Variants in RCAN1 observed in about 807,000 individuals in gnomAD.
RCAN1 encodes the protein calcipressin-1.
RCAN1 carries 11 observed loss-of-function variants against 22.9 expected under a neutral mutation model. The observed-to-expected ratio is 0.48, with a 90% CI of 0.30 to 0.79. The LOEUF (loss-of-function observed/expected upper bound fraction) is 0.79. Ranked by LOEUF, RCAN1 falls within the 30% of genes least tolerant of loss-of-function variation. The pLI is 0.06. For synonymous variants in RCAN1, 136 were observed against 142.3 expected (o/e 0.96, Z 0.32); for missense variants, 291 against 337.8 (o/e 0.86, Z 1.09).
chr21:34,556,406 A>T (rs528209374), intron 1 of RCAN1, among the ~76,000 whole-genome samples: 60 of 146,110 alleles, frequency 4.1e-4, no homozygotes, highest in African/African-American at 1.5e-3. Context: ...AGCCTGGGTG[A>T]CAGACTGAGA....
chr21:34,521,792 A>G (rs1325634559), intron 2 of RCAN1, 134 bp from the exon 3 acceptor site: 16 of 708,724 alleles, frequency 2.3e-5, no homozygotes, highest in South Asian at 1.9e-5. Context: ...TCCAGGACCA[A>G]TTGTAAGATG....
At chr21:34,576,952 C>A (rs1213308938) in intron 1 of RCAN1, among the ~76,000 whole-genome samples, 1 of 152,212 alleles carries the variant, frequency 6.6e-6, no homozygotes, top group Non-Finnish European at 1.5e-5. Flanking sequence ...ATTGTTTCTT[C>A]ATTCCAGAAC....
At chr21:34,584,837 TC>T (rs1987736023) in intron 1 of RCAN1, among the ~76,000 whole-genome samples, 4 of 152,314 alleles carry the variant, frequency 2.6e-5, no homozygotes, top group Admixed American at 2.6e-4. Context: ...CATAAGAGCA[TC>T]CTGAATCCAA....
chr21:34,604,488 A>G (rs1016335995), intron 1 of RCAN1, among the ~76,000 whole-genome samples: 1 of 152,158 alleles, frequency 6.6e-6, no homozygotes, highest in African/African-American at 2.4e-5. Flanking sequence ...TCAGTACTGT[A>G]TATGTTTCCA....
chr21:34,603,644 T>C (rs1988433110), intron 1 of RCAN1, among the ~76,000 whole-genome samples: 1 of 152,204 alleles, frequency 6.6e-6, no homozygotes, highest in Non-Finnish European at 1.5e-5. Context: ...CAGAGTCGGA[T>C]ATCCAGTTAC....
chr21:34,534,919 T>G (rs4817675), intron 1 of RCAN1, among the ~76,000 whole-genome samples: 55,513 of 152,048 alleles, frequency 0.37, 11,263 homozygotes, highest in African/African-American at 0.56. Context: ...TGGACACTGC[T>G]GAGGGCCAGG....
intron 1 of RCAN1, among the ~76,000 whole-genome samples, chr21:34,540,646 C>T (rs192111282): frequency 7.2e-5 from 11 of 152,296 alleles, no homozygotes; most frequent in African/African-American, 2.6e-4. Context: ...GTAACTGACT[C>T]TTCCTTAGAG....
intron 1 of RCAN1, among the ~76,000 whole-genome samples, chr21:34,545,807 G>A (rs1010015033): frequency 2.0e-5 from 3 of 152,190 alleles, no homozygotes; most frequent in Admixed American, 6.5e-5. Flanking sequence ...GGAGGATAGC[G>A]GTGCCACCCA....
At chr21:34,556,087 A>AATAAATCAATAT (rs1219532094) in intron 1 of RCAN1, among the ~76,000 whole-genome samples, 4 of 98,280 alleles carry the variant, frequency 4.1e-5, no homozygotes, top group Non-Finnish European at 7.9e-5. Context: ...TAAATAAATA[A>AATAAATCAATAT]ATAAATAAAT....
rs1191317093 is a variant in RCAN1 at position 34,521,053 on chromosome 21, A to G, written c.586+446T>C. The G allele has an allele frequency of 4.2e-6, 5 of 1,182,016 alleles. No individual in the cohort carries two copies. In the Admixed American group the frequency reaches 1.3e-4, roughly 31 times the overall value. 73.2% of individuals were successfully genotyped at this position (1,182,016 alleles called of 1,614,324 possible). A position where few individuals can be genotyped will look rare whatever the true frequency, so the allele number is the denominator to read the frequency against. ...TATGGTTCTCCTTCCCTTTTCCTTTAAGAAGGCCAGGTGAGAATCACAGGA... is the reference window on the plus strand; with the variant it reads ...TATGGTTCTCCTTCCCTTTTCCTTTGAGAAGGCCAGGTGAGAATCACAGGA... On this transcript the variant is annotated intron_variant, in intron 3 of 3. Coordinates refer to ENST00000313806, the MANE Select transcript of RCAN1 (RefSeq NM_004414.7).
intron 1 of RCAN1, among the ~76,000 whole-genome samples, chr21:34,596,294 G>T (rs55689536): frequency 6.6e-6 from 1 of 152,164 alleles, no homozygotes; most frequent in Non-Finnish European, 1.5e-5. Context: ...AGAAAAAGCC[G>T]AGAGTCTCTG....
At chr21:34,602,567 C>T (rs1487268072) in intron 1 of RCAN1, among the ~76,000 whole-genome samples, 1 of 151,256 alleles carries the variant, frequency 6.6e-6, no homozygotes, top group Non-Finnish European at 1.5e-5. Context: ...TTACTGATTG[C>T]GGACCAGACC....
At chr21:34,527,362 T>C (rs1193744434) in intron 1 of RCAN1, among the ~76,000 whole-genome samples, 1 of 152,098 alleles carries the variant, frequency 6.6e-6, no homozygotes, top group Non-Finnish European at 1.5e-5. Flanking sequence ...AGAGAAAACA[T>C]TTTGAAATCT....
chr21:34,590,689 G>A (rs1349926189), intron 1 of RCAN1, among the ~76,000 whole-genome samples: 2 of 152,146 alleles, frequency 1.3e-5, no homozygotes, highest in Non-Finnish European at 2.9e-5. Context: ...CCCCTGCTGG[G>A]GCCAGGGACT....
At chr21:34,565,184 G>A (rs1986959793) in intron 1 of RCAN1, among the ~76,000 whole-genome samples, 1 of 152,260 alleles carries the variant, frequency 6.6e-6, no homozygotes, top group Admixed American at 6.5e-5. Context: ...GGGCAACAGA[G>A]TGAGACCTTG....
chr21:34,614,794 A>G lies in RCAN1; in HGVS notation c.218T>C (p.Leu73Pro). 1 of 1,478,074 alleles carries G rather than the reference A, an allele frequency of 6.8e-7. No homozygotes were observed. The highest frequency in any genetic ancestry group is 9.0e-7 in the Non-Finnish European group (1 of 1,111,894). 91.6% of individuals were successfully genotyped at this position (1,478,074 alleles called of 1,614,324 possible). A position where few individuals can be genotyped will look rare whatever the true frequency, so the allele number is the denominator to read the frequency against. Residue 73 changes from leucine (L) to proline (P), a missense_variant, in exon 1 of 4, where the codon CTG becomes CCG. Coordinates refer to ENST00000313806, the MANE Select transcript of RCAN1 (RefSeq NM_004414.7). This position sits in a 1 kb window ranked among gnomAD's most constrained non-coding sequence, Gnocchi z 6.0. ...DLPSATIACHLDPRVFVDGLC... is the reference protein window; with the variant it reads ...DLPSATIACHPDPRVFVDGLC... ...GCCGTCCACGAACACGCGCGGGTCC[A>G]GGTGACAGGCGATGGTGGCGCTGGG...
chr21:34,609,977 C>A (rs888164156), intron 1 of RCAN1, among the ~76,000 whole-genome samples: 7 of 152,294 alleles, frequency 4.6e-5, no homozygotes, highest in African/African-American at 1.7e-4. Flanking sequence ...GAGATAAGAT[C>A]ATTTAAGGGG....
At chr21:34,586,512 T>C (rs1987803211) in intron 1 of RCAN1, among the ~76,000 whole-genome samples, 1 of 150,964 alleles carries the variant, frequency 6.6e-6, no homozygotes, top group African/African-American at 2.4e-5. Context: ...GGATATGACA[T>C]ATCAAAACTT....
chr21:34,601,645 C>A (rs925108542), intron 1 of RCAN1, among the ~76,000 whole-genome samples: 4 of 151,958 alleles, frequency 2.6e-5, no homozygotes, highest in Non-Finnish European at 5.9e-5. Context: ...GGTGAAACCC[C>A]ATCTCTACTA....
Sources: gnomAD v4.1 joint callset for allele counts (sites outside exome capture counted in the v4.1 genomes callset) on GRCh38, gnomAD v4.1.1 for gene constraint, Gnocchi (gnomAD v3.1) non-coding constraint, MANE v1.5 for transcripts, NCBI Gene and HGNC (gene_info 2026-07-23, HGNC 2026-07-21) for gene names.